The following ADAMTSL1 variants were observed in gnomAD, a reference collection of about 807,000 sequenced individuals.
ADAMTSL1 encodes the protein ADAMTS like 1.
ADAMTSL1 carries 126 observed loss-of-function variants against 201.8 expected under a neutral mutation model. The ratio of observed to expected loss-of-function variants is 0.62; its 90% CI spans 0.54 to 0.72. The LOEUF is 0.72. Among genes scored for constraint, ADAMTSL1 ranks in the 30% least tolerant of loss-of-function variants. The probability of loss-of-function intolerance (pLI) is 0.00; values close to 1 mark genes in which losing one functional copy is unlikely to be tolerated. For synonymous variants in ADAMTSL1, 1,121 were observed against 903.4 expected, an observed-to-expected ratio of 1.24 and a Z score of -4.32; for missense variants, 2,679 against 2,277.8, an observed-to-expected ratio of 1.18 and a Z score of -3.59.
intron 2 of ADAMTSL1, among the ~76,000 whole-genome samples, chr9:18,251,735 A>G (rs1051708612): frequency 1.3e-5 from 2 of 152,216 alleles, no homozygotes; most frequent in African/African-American, 2.4e-5. Flanking sequence ...TAACCCTACT[A>G]CAAACCAAAC....
intron 2 of ADAMTSL1, among the ~76,000 whole-genome samples, chr9:18,444,653 C>G (rs1249049338): frequency 6.6e-6 from 1 of 152,074 alleles, no homozygotes; most frequent in Non-Finnish European, 1.5e-5. Flanking sequence ...AGGTTTATGT[C>G]TTTTGCTTTA....
At chr9:18,467,857 G>C (rs1821064910) in intron 2 of ADAMTSL1, among the ~76,000 whole-genome samples, 1 of 152,100 alleles carries the variant, frequency 6.6e-6, no homozygotes, top group Non-Finnish European at 1.5e-5. Flanking sequence ...TTTGGCTTTT[G>C]TATTTCAATC....
intron 1 of ADAMTSL1, among the ~76,000 whole-genome samples, chr9:18,024,794 T>G (rs1337872806): frequency 6.6e-6 from 1 of 152,164 alleles, no homozygotes; most frequent in Non-Finnish European, 1.5e-5. Flanking sequence ...GTAATGGGAT[T>G]GCTGGATCAA....
At chr9:18,416,231 C>A (rs76690042) in intron 2 of ADAMTSL1, among the ~76,000 whole-genome samples, 1 of 151,870 alleles carries the variant, frequency 6.6e-6, no homozygotes, top group Non-Finnish European at 1.5e-5. Flanking sequence ...GAAGTTATAA[C>A]GTAGGTACCT....
intron 1 of ADAMTSL1, among the ~76,000 whole-genome samples, chr9:18,054,648 C>T (rs1198135358): frequency 4.6e-5 from 7 of 152,126 alleles, no homozygotes; most frequent in Non-Finnish European, 1.0e-4. Flanking sequence ...GTTAAAGGGA[C>T]CTTGAAGCTC....
intron 1 of ADAMTSL1, among the ~76,000 whole-genome samples, chr9:18,112,443 G>A (rs1825064511): frequency 6.6e-6 from 1 of 151,618 alleles, no homozygotes; most frequent in Admixed American, 6.6e-5. Context: ...AGACTCAGTT[G>A]CCCATAACAG....
chr9:18,420,863 A>T (rs139546126), intron 2 of ADAMTSL1, among the ~76,000 whole-genome samples: 16 of 152,304 alleles, frequency 1.1e-4, no homozygotes, highest in African/African-American at 3.6e-4. Context: ...CTGAATGGTA[A>T]TGGGTGCCTA....
chr9:18,118,018 C>A (rs545347913), intron 1 of ADAMTSL1, among the ~76,000 whole-genome samples: 1 of 152,094 alleles, frequency 6.6e-6, no homozygotes, highest in African/African-American at 2.4e-5. Context: ...TAGCATGCAC[C>A]ATTGCAATTA....
intron 2 of ADAMTSL1, among the ~76,000 whole-genome samples, chr9:18,237,373 G>A (rs2132433729): frequency 6.6e-6 from 1 of 152,260 alleles, no homozygotes; most frequent in South Asian, 2.1e-4. Flanking sequence ...ACTCTGTGTT[G>A]GCCCTTATAG....
In ADAMTSL1 at chr9:18,886,417, C is replaced by T. The variant is rs111671000; in HGVS notation, c.4250-1414C>T. ...AATGAAACATTAGAAAAAATCCCTT[C>T]TCTCTATAGTTGCATAGGCACCCAC... On this transcript the variant is annotated intron_variant, in intron 23 of 28. Transcript: ENST00000380548. Among the ~76,000 whole-genome samples the T allele has an allele frequency of 5.0e-3, 764 of 151,952 alleles. 4 individuals are homozygous for T. The highest frequency in any genetic ancestry group is 0.027 in the Middle Eastern group (8 of 294).
At chr9:18,372,422 T>C (rs902450746) in intron 2 of ADAMTSL1, among the ~76,000 whole-genome samples, 2 of 152,178 alleles carry the variant, frequency 1.3e-5, no homozygotes, top group African/African-American at 4.8e-5. Context: ...TCTCATTTGA[T>C]TGCCATGACC....
rs955238522 is a variant in ADAMTSL1 at position 18,227,833 on chromosome 9, C to A, written c.207+63852C>A. On this transcript the variant is annotated intron_variant, in intron 2 of 29. Transcript: ENST00000680146. ...TGTTTCAGAATGAAGAAGAAAAAGG[C>A]ATAATTCATTGCCCCTTAAGGATAC... Among the ~76,000 whole-genome samples, 8 of 152,250 alleles carry A rather than the reference C, an allele frequency of 5.3e-5. No individual in the cohort carries two copies. The East Asian group carries it at 1.5e-3, about 29-fold the overall frequency.
At chr9:18,737,958 CCT>C (rs2133528473) in intron 15 of ADAMTSL1, among the ~76,000 whole-genome samples, 1 of 152,232 alleles carries the variant, frequency 6.6e-6, no homozygotes, top group African/African-American at 2.4e-5. Flanking sequence ...TCATTTAACC[CCT>C]CTCTGTCCTC....
rs184062878 is a variant in ADAMTSL1, at chr9:18,379,319, C to G, written c.208-125510C>G. 3.7e-4 allele frequency among the ~76,000 whole-genome samples: 57 copies of G among 152,312 alleles called. No individual in the cohort carries two copies. The South Asian group carries it at 6.6e-3, about 18-fold the overall frequency. ...TCGAGAGATTCCAATCTACCTGAGT[C>G]AGGGTAATGAGGAAATCCCCTCTGC... On this transcript the variant is annotated intron_variant, in intron 2 of 29. Transcript: ENST00000680146.
intron 23 of ADAMTSL1, among the ~76,000 whole-genome samples, chr9:18,832,305 C>T (rs1825036772): frequency 6.6e-6 from 1 of 152,126 alleles, no homozygotes; most frequent in Non-Finnish European, 1.5e-5. Context: ...TTTCAGACCA[C>T]AGTGTGCGCT....
At chr9:18,111,010 A>G (rs76558407) in intron 1 of ADAMTSL1, among the ~76,000 whole-genome samples, 3,816 of 152,256 alleles carry the variant, frequency 0.025, 150 homozygotes, top group African/African-American at 0.083. Context: ...AACAGGTAGC[A>G]GCAATTTTCT....
chr9:18,588,908 TATATACACA>T (rs1823728065), intron 4 of ADAMTSL1, among the ~76,000 whole-genome samples: 1 of 131,862 alleles, frequency 7.6e-6, no homozygotes, highest in African/African-American at 2.7e-5. Context: ...TATATACATA[TATATACACA>T]TTTTTTTTTT....
At chr9:18,221,020 C>T (rs1830237835) in intron 2 of ADAMTSL1, among the ~76,000 whole-genome samples, 1 of 152,206 alleles carries the variant, frequency 6.6e-6, no homozygotes, top group East Asian at 1.9e-4. Flanking sequence ...AGAGACCCAC[C>T]CTCTTTGGCC....
At chr9:18,243,109 A>T (rs1831131070) in intron 2 of ADAMTSL1, among the ~76,000 whole-genome samples, 1 of 152,186 alleles carries the variant, frequency 6.6e-6, no homozygotes, top group Admixed American at 6.5e-5. Context: ...TAATCAAAAC[A>T]GTACGGTACT....
Sources: gnomAD v4.1 joint callset for allele counts (sites outside exome capture counted in the v4.1 genomes callset) on GRCh38, gnomAD v4.1.1 for gene constraint, MANE v1.5 for transcripts, NCBI Gene and HGNC (gene_info 2026-07-23, HGNC 2026-07-21) for gene names.